TAFA5: variants seen among roughly 807,000 people sequenced by gnomAD.
TAFA5 encodes the protein chemokine-like protein TAFA-5.
A neutral mutation model predicts 15.3 loss-of-function variants in TAFA5; 6 were observed. That is an observed-to-expected ratio of 0.39 (90% CI 0.21 to 0.77). TAFA5 has a LOEUF of 0.77. Ranked by LOEUF, TAFA5 falls within the 30% of genes least tolerant of loss-of-function variation. The pLI, the probability that TAFA5 is intolerant of heterozygous loss-of-function variation, is 0.41. For missense variants in TAFA5, 161 were observed against 193.1 expected (o/e 0.83, Z 0.98); for synonymous variants, 103 against 80.7 (o/e 1.28, Z -1.48).
At chr22:48,518,019 G>A (rs960414000) in intron 1 of TAFA5, among the ~76,000 whole-genome samples, 3 of 152,316 alleles carry the variant, frequency 2.0e-5, no homozygotes, top group South Asian at 2.1e-4. Flanking sequence ...CTCTCTGAAC[G>A]CTGGCCGTGG....
chr22:48,700,637 G>A (rs909532499), intron 2 of TAFA5, among the ~76,000 whole-genome samples: 4 of 152,162 alleles, frequency 2.6e-5, no homozygotes, highest in Admixed American at 6.5e-5. Context: ...GAGTGTGCAC[G>A]TGGATGTGCA....
intron 1 of TAFA5, among the ~76,000 whole-genome samples, chr22:48,510,520 A>C (rs1921172748): frequency 6.6e-6 from 1 of 152,272 alleles, no homozygotes; most frequent in Non-Finnish European, 1.5e-5. Context: ...ATGTGAGTGC[A>C]AACCTTCATT....
chr22:48,726,296 G>A (rs1377987787), intron 3 of TAFA5, among the ~76,000 whole-genome samples: 3 of 152,264 alleles, frequency 2.0e-5, no homozygotes, highest in African/African-American at 7.2e-5. Context: ...CAGTGCGGAT[G>A]GCATCAGGTT....
chr22:48,515,697 G>A (rs1264054820), intron 1 of TAFA5, among the ~76,000 whole-genome samples: 2 of 152,232 alleles, frequency 1.3e-5, no homozygotes, highest in Non-Finnish European at 2.9e-5. Context: ...CAATGCAAGC[G>A]GGAGGCCCCC....
At chr22:48,722,449 C>CA (rs1430099812) in intron 3 of TAFA5, among the ~76,000 whole-genome samples, 1 of 151,952 alleles carries the variant, frequency 6.6e-6, no homozygotes, top group African/African-American at 2.4e-5. Context: ...AGCAAACTAA[C>CA]AACAGGAACA....
chr22:48,746,078 G>A (rs377714716), intron 3 of TAFA5, among the ~76,000 whole-genome samples: 31 of 152,230 alleles, frequency 2.0e-4, no homozygotes, highest in East Asian at 1.9e-3. Context: ...CACATTCAGC[G>A]TCCATTCAAG....
At chr22:48,642,219 G>A (rs2147198942) in intron 1 of TAFA5, among the ~76,000 whole-genome samples, 1 of 152,324 alleles carries the variant, frequency 6.6e-6, no homozygotes, top group East Asian at 1.9e-4. Context: ...CTGTGGGGAG[G>A]CCTCGCCACT....
chr22:48,580,617 A>G (rs1001765726), intron 1 of TAFA5, among the ~76,000 whole-genome samples: 41 of 152,162 alleles, frequency 2.7e-4, no homozygotes, highest in African/African-American at 9.2e-4. Context: ...ACCGGGCTCC[A>G]TTCTGAGTGT....
chr22:48,714,811 G>A (rs549158229), intron 3 of TAFA5, among the ~76,000 whole-genome samples: 2 of 152,300 alleles, frequency 1.3e-5, no homozygotes, highest in East Asian at 3.9e-4. Flanking sequence ...AGGCCAGGAG[G>A]TCCAAGATCA....
At chr22:48,593,304 T>A (rs1191587041) in intron 1 of TAFA5, among the ~76,000 whole-genome samples, 1 of 152,090 alleles carries the variant, frequency 6.6e-6, no homozygotes, top group Non-Finnish European at 1.5e-5. Context: ...GCCCAGCCCC[T>A]CCATTTTGCA....
intron 2 of TAFA5, among the ~76,000 whole-genome samples, chr22:48,703,368 C>T (rs922144178): frequency 3.3e-5 from 5 of 152,320 alleles, no homozygotes; most frequent in East Asian, 1.9e-4. Flanking sequence ...TGAGCACCAC[C>T]GTGCATAGTA....
intron 1 of TAFA5, among the ~76,000 whole-genome samples, chr22:48,541,614 G>T (rs1229466065): frequency 6.6e-6 from 1 of 150,682 alleles, no homozygotes; most frequent in African/African-American, 2.5e-5. Context: ...CCCTGTGTCG[G>T]TGTTGGGAGG....
Position 48,744,334 on chromosome 22 carries a change from C to T in TAFA5, c.391-5505C>T, listed in dbSNP as rs144332931. 1.1e-4 allele frequency among the ~76,000 whole-genome samples: 17 copies of T among 152,270 alleles called. No individual in the cohort carries two copies. The East Asian group carries it at 3.1e-3, about 28-fold the overall frequency. ...CCACAGACTGTGGTTCTCTGGTGAC[C>T]CCAGATGAGGGCCACCCTTGGGCAG... On this transcript the variant is annotated intron_variant, in intron 3 of 3. Coordinates refer to ENST00000402357, the MANE Select transcript of TAFA5 (RefSeq NM_001082967.3).
At chr22:48,508,788 C>G (rs531172784) in intron 1 of TAFA5, among the ~76,000 whole-genome samples, 2 of 152,302 alleles carry the variant, frequency 1.3e-5, no homozygotes, top group East Asian at 3.9e-4. Flanking sequence ...GCACACCCAT[C>G]GCCTCAACAT....
chr22:48,631,849 C>T (rs6010503), intron 1 of TAFA5, among the ~76,000 whole-genome samples: 49,000 of 152,034 alleles, frequency 0.32, 7,991 homozygotes, highest in Non-Finnish European at 0.35. Flanking sequence ...AGCTGGGATG[C>T]GGCCTGGTCT....
Position 48,646,513 on chromosome 22 carries a change from C to A in TAFA5, c.113-84C>A, listed in dbSNP as rs1249643860. 3.3e-6 allele frequency: 5 copies of A among 1,533,326 alleles called. No individual in the cohort carries two copies. The African/African-American group carries it at 5.5e-5, about 17-fold the overall frequency. The allele number at this position is 1,533,326 out of a possible 1,614,324, so 95.0% of individuals were successfully genotyped here. A position where few individuals can be genotyped will look rare whatever the true frequency, so the allele number is the denominator to read the frequency against. ...CCTGTGGCCTGGCTGCTGGGGGCCCCTCTGTGGGTGGGCTCTGGGTGGGCT... is the reference window on the plus strand; with the variant it reads ...CCTGTGGCCTGGCTGCTGGGGGCCCATCTGTGGGTGGGCTCTGGGTGGGCT... On this transcript the variant is annotated intron_variant, in intron 1 of 3. Coordinates refer to ENST00000402357, the MANE Select transcript of TAFA5 (RefSeq NM_001082967.3).
At chr22:48,702,502 C>T (rs1928941812) in intron 2 of TAFA5, among the ~76,000 whole-genome samples, 1 of 152,162 alleles carries the variant, frequency 6.6e-6, no homozygotes, top group Non-Finnish European at 1.5e-5. Flanking sequence ...CCTACCGGCC[C>T]GGGGACAGGC....
chr22:48,635,623 T>G (rs1926418022), intron 1 of TAFA5, among the ~76,000 whole-genome samples: 1 of 152,218 alleles, frequency 6.6e-6, no homozygotes, highest in Admixed American at 6.5e-5. Context: ...CCCCCTTTCC[T>G]GGGCATTGCA....
At chr22:48,681,663 AAAAG>A (rs1928193555) in intron 2 of TAFA5, among the ~76,000 whole-genome samples, 2 of 151,368 alleles carry the variant, frequency 1.3e-5, no homozygotes, top group Non-Finnish European at 2.9e-5. Context: ...AAAAAAAAAA[AAAAG>A]AAAAGAAAAA....
Sources: allele counts gnomAD v4.1 joint callset (sites outside exome capture counted in the v4.1 genomes callset), GRCh38; gene constraint gnomAD v4.1.1; transcripts MANE v1.5; gene names NCBI Gene and HGNC (gene_info 2026-07-23, HGNC 2026-07-21).